The following TPR variants were observed in gnomAD, a reference collection of about 807,000 sequenced individuals.
The protein encoded by TPR is nucleoprotein TPR.
A neutral mutation model predicts 316.1 loss-of-function variants in TPR; 51 were observed. That is an observed-to-expected ratio of 0.16 (90% CI 0.13 to 0.20). The LOEUF (loss-of-function observed/expected upper bound fraction) is 0.20. Among genes scored for constraint, TPR ranks in the 10% least tolerant of loss-of-function variants. The pLI, the probability that TPR is intolerant of heterozygous loss-of-function variation, is 1.00. For missense variants in TPR, 2,272 were observed against 2,754.8 expected (o/e 0.82, Z 3.92); for synonymous variants, 981 against 914.7 (o/e 1.07, Z -1.31).
intron 3 of TPR, among the ~76,000 whole-genome samples, chr1:186,368,935 G>A (rs1659424712): frequency 6.6e-6 from 1 of 152,108 alleles, no homozygotes; most frequent in Non-Finnish European, 1.5e-5. Flanking sequence ...TATGATGTAA[G>A]CAACACAAAC....
In TPR at chr1:186,356,304, C is replaced by G. The variant is rs771428911; in HGVS notation, c.1870G>C (p.Val624Leu). ...AACCTACCATGTAATGGAATGGCAA[C>G]TCCTGTTGTTTGTGACAATAAAATA... The part of the protein sequence containing the change: ...YRILLSQTTG[V>L]AIPLHASSLD... Residue 624 changes from valine to leucine, a missense_variant, in exon 15 of 51, where the codon GTT becomes CTT. By Grantham distance (32) the Val-to-Leu change is conservative (BLOSUM62 1). This residue lies in a region of TPR where 757 missense variants were observed against 859.8 expected (regional missense o/e 0.88). Transcript: ENST00000367478. The G allele has an allele frequency of 1.3e-5, 21 of 1,604,952 alleles. No homozygotes were observed. Among genetic ancestry groups the G allele is most frequent in the Non-Finnish European group, 1.8e-5 (21 of 1,173,524 alleles).
intron 4 of TPR, among the ~76,000 whole-genome samples, chr1:186,363,704 A>G (rs1245558738): frequency 1.3e-5 from 2 of 152,104 alleles, no homozygotes; most frequent in East Asian, 3.9e-4. Flanking sequence ...AAATGGGAAC[A>G]AACTAAGAAA....
chr1:186,337,334 T>A (rs1312621299), intron 31 of TPR, among the ~76,000 whole-genome samples, 178 bp from the exon 32 acceptor site: 1 of 152,194 alleles, frequency 6.6e-6, no homozygotes, highest in Non-Finnish European at 1.5e-5. Context: ...TAGTTATGGT[T>A]TTCCACATAA....
chr1:186,372,457 G>A (rs1659561631), intron 2 of TPR, among the ~76,000 whole-genome samples: 2 of 151,836 alleles, frequency 1.3e-5, no homozygotes, highest in Admixed American at 6.6e-5. Context: ...CGCAAGAATC[G>A]CTTGAACCCA....
At chr1:186,352,670 A>G (rs1421431081) in intron 18 of TPR, among the ~76,000 whole-genome samples, 4 of 152,192 alleles carry the variant, frequency 2.6e-5, no homozygotes, top group Non-Finnish European at 5.9e-5. Flanking sequence ...AATTCACTCT[A>G]CCAGTTTGAA....
At position 186,353,265 on chromosome 1, in the gene TPR, A is replaced by G. The variant is rs191112311; in HGVS notation, c.2334+423T>C. Among the ~76,000 whole-genome samples the G allele has an allele frequency of 8.9e-4, 135 of 151,870 alleles. 1 individual carries two copies. The East Asian group carries it at 0.021, about 24-fold the overall frequency. On this transcript the variant is annotated intron_variant, in intron 18 of 50. Transcript: ENST00000367478. ...CGGGCACCTGTAGTCCCAGCTACTC[A>G]GGAGGTTGAGGCAGGAGAATGGCGT... is the stretch of plus-strand genomic sequence containing the variant.
intron 35 of TPR, 108 bp from the exon 36 acceptor site, chr1:186,334,641 G>A (rs976573240): frequency 1.0e-5 from 12 of 1,173,518 alleles, no homozygotes; most frequent in Non-Finnish European, 1.3e-5. Context: ...AAATATTTCA[G>A]AGCCTTATTA....
chr1:186,326,620 T>C (rs1480619115), intron 40 of TPR, among the ~76,000 whole-genome samples: 1 of 151,882 alleles, frequency 6.6e-6, no homozygotes, highest in Non-Finnish European at 1.5e-5. Context: ...AAGCTGTCAA[T>C]ATAGGATTAA....
intron 39 of TPR, among the ~76,000 whole-genome samples, chr1:186,330,745 T>C (rs1475541696): frequency 6.6e-6 from 1 of 152,074 alleles, no homozygotes; most frequent in Non-Finnish European, 1.5e-5. Flanking sequence ...ATATCACTAA[T>C]AAAGCTCTCC....
At position 186,312,792 on chromosome 1, in the gene TPR, G is replaced by A. The variant is rs370271535; in HGVS notation, c.*1179C>T. 4.6e-5 allele frequency: 75 copies of A among 1,612,980 alleles called. 2 individuals carry two copies. Among genetic ancestry groups the A allele is most frequent in the East Asian group, 2.9e-4 (13 of 44,840 alleles). The stretch of plus-strand genomic sequence containing the variant: ...AGGTGTCCTTCATAATGAAGTTAAA[G>A]TGAGTATACTGTGGAGAGGACTTCC... On this transcript the variant is annotated 3_prime_UTR_variant, in exon 51 of 51. Coordinates refer to ENST00000367478, the MANE Select transcript of TPR (RefSeq NM_003292.3).
In TPR at chr1:186,341,327, T is replaced by C. The variant is rs1313395243; in HGVS notation, c.3813A>G (p.Val1271=). The part of the protein sequence containing the change: ...ELMKKTETMN[V]VMETNKMLRE... Reference sequence around the variant, plus strand: ...TTAGCATTTTATTGGTCTCCATAACTACATTCATTGTTTCAGTTTTCTTCA... The same window carrying C: ...TTAGCATTTTATTGGTCTCCATAACCACATTCATTGTTTCAGTTTTCTTCA... Residue 1271 remains valine (V), a synonymous_variant, in exon 28 of 51, where the codon GTA becomes GTG. Transcript: ENST00000367478. 2.5e-6 allele frequency: 4 copies of C among 1,613,994 alleles called. No homozygotes were observed. The highest frequency in any genetic ancestry group is 3.4e-6 in the Non-Finnish European group (4 of 1,180,004).
rs931086984 is a variant in TPR at position 186,311,850 on chromosome 1, T to A, written c.*2121A>T. 9 of 573,028 alleles carry A rather than the reference T, an allele frequency of 1.6e-5. No homozygotes were observed. Among genetic ancestry groups the A allele is most frequent in the African/African-American group, 1.5e-4 (8 of 53,574 alleles). The allele number at this position is 573,028 out of a possible 1,614,324, so 35.5% of individuals were successfully genotyped here. A position where few individuals can be genotyped will look rare whatever the true frequency, so the allele number is the denominator to read the frequency against. On this transcript the variant is annotated 3_prime_UTR_variant, in exon 51 of 51. Coordinates refer to ENST00000367478, the MANE Select transcript of TPR (RefSeq NM_003292.3). ...GTCATTTACTTTCGCTTCACAAATG[T>A]GCATGTCATCCTTGCACAAGGGCCA...
chr1:186,358,659 T>C lies in TPR; in HGVS notation c.1390-9A>G. 6.2e-7 allele frequency: 1 copy of C among 1,608,990 alleles called. No individual in the cohort carries two copies. The highest frequency in any genetic ancestry group is 8.5e-7 in the Non-Finnish European group (1 of 1,178,086). Reference sequence around the variant, plus strand: ...TGCAATCGCTGAATCTCCTTTAAAATGTAAATTCAAGTGAAAATTTTGTAC... The same window carrying C: ...TGCAATCGCTGAATCTCCTTTAAAACGTAAATTCAAGTGAAAATTTTGTAC... On this transcript the variant is annotated splice_polypyrimidine_tract_variant and intron_variant, in intron 12 of 50. Transcript: ENST00000367478.
At position 186,360,903 on chromosome 1, in the gene TPR, T is replaced by C; in HGVS notation, c.961A>G (p.Asn321Asp). Residue 321 changes from asparagine to aspartate, a missense_variant and splice_region_variant, in exon 10 of 51, where the codon AAC (asparagine) becomes GAC (aspartate). This residue lies in a region of TPR where 549 missense variants were observed against 598.6 expected (regional missense o/e 0.92). Coordinates refer to ENST00000367478, the MANE Select transcript of TPR (RefSeq NM_003292.3). ...AGAAGATGATCTTGTATTGCTTTGT[T>C]GGCTAAAAAACAATTTTAAAGACCA... ...HKLLKEAGEA[N>D]KAIQDHLLEV... 1.2e-6 allele frequency: 2 copies of C among 1,605,414 alleles called. No homozygotes were observed. Among genetic ancestry groups the C allele is most frequent in the South Asian group, 2.2e-5 (2 of 89,718 alleles).
chr1:186,351,567 T>C (rs964075389), intron 19 of TPR, 97 bp from the exon 20 acceptor site: 4 of 1,319,934 alleles, frequency 3.0e-6, no homozygotes, highest in Admixed American at 3.1e-5. Context: ...TTACAACCCA[T>C]TTCTACATGA....
chr1:186,312,519 A>G lies in TPR; in HGVS notation c.*1452T>C. 1 of 869,808 alleles carries G rather than the reference A, an allele frequency of 1.1e-6. No individual in the cohort carries two copies. The highest frequency in any genetic ancestry group is 1.7e-6 in the Non-Finnish European group (1 of 575,174). 53.9% of individuals were successfully genotyped at this position (869,808 alleles called of 1,614,324 possible). A position where few individuals can be genotyped will look rare whatever the true frequency, so the allele number is the denominator to read the frequency against. The stretch of plus-strand genomic sequence containing the variant: ...GATGAAAAACTCATCCACTTGCCTT[A>G]GTGAATAACCAAAGACCAATACTTT... On this transcript the variant is annotated 3_prime_UTR_variant, in exon 51 of 51. Coordinates refer to ENST00000367478, the MANE Select transcript of TPR (RefSeq NM_003292.3).
chr1:186,343,659 A>C (rs1470506827), intron 26 of TPR, among the ~76,000 whole-genome samples, 186 bp from the exon 27 acceptor site: 7 of 152,180 alleles, frequency 4.6e-5, no homozygotes, highest in Non-Finnish European at 7.3e-5. Flanking sequence ...TAGAATGTTT[A>C]TCTCTAAAAT....
At chr1:186,318,260 G>C (rs1181192833) in intron 48 of TPR, among the ~76,000 whole-genome samples, 187 bp downstream of exon 48, 2 of 151,764 alleles carry the variant, frequency 1.3e-5, no homozygotes, top group African/African-American at 4.8e-5. Context: ...CCCAGGAGGC[G>C]GAGGCTGCAC....
intron 31 of TPR, among the ~76,000 whole-genome samples, chr1:186,337,774 T>C (rs1658383818): frequency 6.6e-6 from 1 of 152,022 alleles, no homozygotes; most frequent in African/African-American, 2.4e-5. Context: ...CAATTCTAAT[T>C]AGCAATGAGT....
Sources: allele counts gnomAD v4.1 joint callset (sites outside exome capture counted in the v4.1 genomes callset), GRCh38; gene constraint gnomAD v4.1.1; regional missense constraint gnomAD v4.1.1; transcripts MANE v1.5; gene names NCBI Gene and HGNC (gene_info 2026-07-23, HGNC 2026-07-21).